The following SLC9C1 variants were observed in gnomAD, a reference collection of about 807,000 sequenced individuals.
SLC9C1 encodes sodium/hydrogen exchanger 10.
In SLC9C1, 97 loss-of-function variants were observed where a neutral mutation model predicts 140.9. The ratio of observed to expected loss-of-function variants is 0.69; its 90% CI spans 0.58 to 0.82. The LOEUF is 0.82. Among genes scored for constraint, SLC9C1 ranks in the 40% least tolerant of loss-of-function variants. SLC9C1 has a pLI of 0.00. For missense variants in SLC9C1, 1,340 were observed against 1,389.3 expected, an observed-to-expected ratio of 0.96 and a Z score of 0.56; for synonymous variants, 440 against 442.6, an observed-to-expected ratio of 0.99 and a Z score of 0.07.
At chr3:112,193,771 C>T (rs1390135876) in intron 20 of SLC9C1, among the ~76,000 whole-genome samples, 2 of 152,136 alleles carry the variant, frequency 1.3e-5, no homozygotes, top group Non-Finnish European at 1.5e-5. Flanking sequence ...CTCCTGGTTG[C>T]AGGAGAGACA....
At chr3:112,250,615 C>T (rs528175329) in intron 10 of SLC9C1, among the ~76,000 whole-genome samples, 59 of 152,218 alleles carry the variant, frequency 3.9e-4, no homozygotes, top group Non-Finnish European at 6.2e-4. Flanking sequence ...AGAATGTAGA[C>T]ATATAGATGG....
At chr3:112,242,643 T>A (rs2079167864) in intron 11 of SLC9C1, among the ~76,000 whole-genome samples, 1 of 152,142 alleles carries the variant, frequency 6.6e-6, no homozygotes, top group Admixed American at 6.6e-5. Context: ...TAGTCAAGAA[T>A]AATTAATTGT....
chr3:112,286,800 A>G lies in SLC9C1; in HGVS notation c.-9T>C, dbSNP rs752481285. On this transcript the variant is annotated 5_prime_UTR_variant, in exon 2 of 29. Transcript: ENST00000305815. ...TTAAATATTCCAGCCATGTTTCAGA[A>G]AAATTTTTATGCAGATTTATGTTAG... 3.1e-6 allele frequency: 5 copies of G among 1,606,618 alleles called. No individual in the cohort carries two copies. In the East Asian group the frequency reaches 6.7e-5, roughly 22 times the overall value.
chr3:112,148,628 G>A (rs2074871814), intron 28 of SLC9C1, among the ~76,000 whole-genome samples: 1 of 152,200 alleles, frequency 6.6e-6, no homozygotes, highest in African/African-American at 2.4e-5. Flanking sequence ...GGTACTTACA[G>A]TAAGAGCTGG....
At chr3:112,185,670 G>T in intron 20 of SLC9C1, 2 of 1,553,688 alleles carry the variant, frequency 1.3e-6, no homozygotes, top group East Asian at 2.4e-5. Context: ...GTGGGGGCGG[G>T]TGCTCCGGAG....
intron 28 of SLC9C1, among the ~76,000 whole-genome samples, chr3:112,143,580 G>A (rs1161763681): frequency 6.6e-6 from 1 of 152,020 alleles, no homozygotes; most frequent in Non-Finnish European, 1.5e-5. Flanking sequence ...TTTTTAATGG[G>A]GTTGTTTTTT....
At chr3:112,159,819 T>C (rs569702766) in intron 26 of SLC9C1, among the ~76,000 whole-genome samples, 47 of 116,692 alleles carry the variant, frequency 4.0e-4, no homozygotes, top group Admixed American at 2.1e-3. Context: ...AATGACCTTT[T>C]TTGTTCTTTT....
chr3:112,258,022 T>C (rs1191018645), intron 10 of SLC9C1, among the ~76,000 whole-genome samples: 1 of 152,242 alleles, frequency 6.6e-6, no homozygotes, highest in East Asian at 1.9e-4. Flanking sequence ...AGAATAGCTA[T>C]TATTAAAAAG....
chr3:112,273,900 A>G (rs1344710962), intron 6 of SLC9C1, among the ~76,000 whole-genome samples: 4 of 152,166 alleles, frequency 2.6e-5, no homozygotes, highest in East Asian at 1.9e-4. Context: ...TTCCACAGGA[A>G]TGGGGGCAGT....
At chr3:112,187,814 A>T (rs1409672798) in intron 20 of SLC9C1, among the ~76,000 whole-genome samples, 2 of 152,094 alleles carry the variant, frequency 1.3e-5, no homozygotes, top group African/African-American at 4.8e-5. Flanking sequence ...TATTTTTAAT[A>T]TATTACATAG....
At chr3:112,166,789 T>G (rs1304704321) in intron 26 of SLC9C1, among the ~76,000 whole-genome samples, 1 of 152,136 alleles carries the variant, frequency 6.6e-6, no homozygotes, top group African/African-American at 2.4e-5. Context: ...TAGTAGTGAT[T>G]AAATAATCAT....
chr3:112,246,370 A>G (rs1181580965), intron 10 of SLC9C1, among the ~76,000 whole-genome samples: 3 of 152,194 alleles, frequency 2.0e-5, no homozygotes, highest in Non-Finnish European at 4.4e-5. Context: ...ATCCATTAAA[A>G]ACTATATTAA....
At position 112,217,434 on chromosome 3, in the gene SLC9C1, G is replaced by A. The variant is rs11929693; in HGVS notation, c.1790+8C>T. On this transcript the variant is annotated splice_region_variant and intron_variant, in intron 15 of 28. Transcript: ENST00000305815. Reference sequence around the variant, plus strand: ...ATAGCATTTCTTATAAGGTTCAAAAGCACTTACTTTGATGGGCCCTCTTTT... The same window carrying A: ...ATAGCATTTCTTATAAGGTTCAAAAACACTTACTTTGATGGGCCCTCTTTT... 3,622 of 1,577,008 alleles carry A rather than the reference G, an allele frequency of 2.3e-3. 58 individuals carry two copies. The African/African-American group carries it at 0.044, about 19-fold the overall frequency.
intron 28 of SLC9C1, among the ~76,000 whole-genome samples, chr3:112,145,589 CTTTTTT>C (rs61547345): frequency 0.015 from 426 of 28,262 alleles, 7 homozygotes; most frequent in African/African-American, 0.057. Flanking sequence ...CTGCCCTTGG[CTTTTTT>C]TTTTTTTTTT....
At chr3:112,230,887 A>G (rs2078803453) in intron 13 of SLC9C1, among the ~76,000 whole-genome samples, 1 of 152,198 alleles carries the variant, frequency 6.6e-6, no homozygotes, top group Non-Finnish European at 1.5e-5. Flanking sequence ...ATGAAAACAT[A>G]ATACTCTCTT....
intron 27 of SLC9C1, among the ~76,000 whole-genome samples, 154 bp from the exon 28 acceptor site, chr3:112,152,117 G>T (rs1044318881): frequency 7.9e-5 from 12 of 152,186 alleles, no homozygotes; most frequent in Admixed American, 7.2e-4. Context: ...AGAAAAGTGG[G>T]CCCAGGGGAC....
At chr3:112,260,205 T>C (rs968825405) in intron 10 of SLC9C1, among the ~76,000 whole-genome samples, 1 of 151,986 alleles carries the variant, frequency 6.6e-6, no homozygotes, top group Admixed American at 6.6e-5. Flanking sequence ...TTAGAACTTA[T>C]TTTTTTTCTT....
intron 12 of SLC9C1, among the ~76,000 whole-genome samples, chr3:112,232,706 G>A (rs914467305): frequency 1.1e-4 from 16 of 152,134 alleles, no homozygotes; most frequent in East Asian, 1.9e-4. Context: ...TGTAGGACAC[G>A]GAAAAGTGCA....
chr3:112,285,519 G>T (rs2108361154), intron 2 of SLC9C1, among the ~76,000 whole-genome samples: 1 of 152,276 alleles, frequency 6.6e-6, no homozygotes, highest in African/African-American at 2.4e-5. Flanking sequence ...GGGAGTATAG[G>T]CATCAGGCAC....
Sources: gnomAD v4.1 joint callset for allele counts (sites outside exome capture counted in the v4.1 genomes callset) on GRCh38, gnomAD v4.1.1 for gene constraint, MANE v1.5 for transcripts, NCBI Gene and HGNC (gene_info 2026-07-23, HGNC 2026-07-21) for gene names.